CWF19L2: variants seen among roughly 807,000 people sequenced by gnomAD.
CWF19L2 encodes the protein CWF19 like cell cycle control factor 2.
Under a neutral mutation model 111.7 loss-of-function variants are expected in CWF19L2, and 98 were observed. The ratio of observed to expected loss-of-function variants is 0.88; its 90% CI spans 0.75 to 1.04. The LOEUF (loss-of-function observed/expected upper bound fraction) is 1.04. CWF19L2 is among the 50% of genes least tolerant of loss of function. The probability of loss-of-function intolerance (pLI) is 0.00; values close to 1 mark genes in which losing one functional copy is unlikely to be tolerated. For synonymous variants in CWF19L2, 351 were observed against 342.9 expected (o/e 1.02, Z -0.26); for missense variants, 1,101 against 1,051.4 (o/e 1.05, Z -0.65).
At chr11:107,338,393 T>G (rs1433584497) in intron 14 of CWF19L2, among the ~76,000 whole-genome samples, 1 of 152,170 alleles carries the variant, frequency 6.6e-6, no homozygotes, top group East Asian at 1.9e-4. Context: ...GGTAGGCTTT[T>G]TTCTTTTTTT....
At chr11:107,425,320 C>A (rs1003302256) in intron 8 of CWF19L2, among the ~76,000 whole-genome samples, 1 of 151,810 alleles carries the variant, frequency 6.6e-6, no homozygotes, top group Non-Finnish European at 1.5e-5. Flanking sequence ...ACGTTTCACT[C>A]AACGACAGAC....
intron 12 of CWF19L2, among the ~76,000 whole-genome samples, chr11:107,380,632 T>C (rs1860671266): frequency 6.6e-6 from 1 of 152,202 alleles, no homozygotes; most frequent in Non-Finnish European, 1.5e-5. Flanking sequence ...AGTGGGAGTG[T>C]AAAATTGTTC....
chr11:107,395,828 GTCTATATTTA>G (rs1421383307), intron 10 of CWF19L2, among the ~76,000 whole-genome samples: 1 of 152,112 alleles, frequency 6.6e-6, no homozygotes, highest in African/African-American at 2.4e-5. Context: ...GTAACTATTT[GTCTATATTTA>G]TCTCTTTTTG....
chr11:107,429,683 C>T (rs1257162440), intron 7 of CWF19L2, among the ~76,000 whole-genome samples: 1 of 151,938 alleles, frequency 6.6e-6, no homozygotes, highest in African/African-American at 2.4e-5. Flanking sequence ...GCCAGTTACA[C>T]CAAACACTCT....
At position 107,451,983 on chromosome 11, in the gene CWF19L2, T is replaced by C. The variant is rs112071713; in HGVS notation, c.339+2467A>G. On this transcript the variant is annotated intron_variant, in intron 3 of 17. Transcript: ENST00000282251. ...CCACAGCAGACATCATGCTTAAATG[T>C]AAAAACCTGAATGCTTTGCACCTAA... 3.7e-4 allele frequency among the ~76,000 whole-genome samples: 56 copies of C among 152,262 alleles called. 2 individuals carry two copies. Among genetic ancestry groups the C allele is most frequent in the African/African-American group, 1.3e-3 (54 of 41,558 alleles).
rs1591192915 is a variant in CWF19L2, at chr11:107,417,820, C to T, written c.1527+374G>A. The stretch of plus-strand genomic sequence containing the variant: ...CACCCAGGCTGGAGTGCTGCAATGG[C>T]GTGATCTTGGCTCACTGCAATCTCC... On this transcript the variant is annotated intron_variant, in intron 9 of 17. Coordinates refer to ENST00000282251, the MANE Select transcript of CWF19L2 (RefSeq NM_152434.3). Among the ~76,000 whole-genome samples the T allele has an allele frequency of 6.0e-5, 9 of 151,140 alleles. No homozygotes were observed. The South Asian group carries it at 1.7e-3, about 28-fold the overall frequency.
At chr11:107,406,684 C>CTT (rs548040686) in intron 10 of CWF19L2, among the ~76,000 whole-genome samples, 6 of 140,570 alleles carry the variant, frequency 4.3e-5, no homozygotes, top group African/African-American at 1.3e-4. Context: ...TTGTGTTTTC[C>CTT]TTTTTTTTTT....
chr11:107,431,473 T>C (rs183585306), intron 7 of CWF19L2, among the ~76,000 whole-genome samples: 41 of 152,182 alleles, frequency 2.7e-4, no homozygotes, highest in African/African-American at 9.9e-4. Context: ...ATAAAGATAC[T>C]AGTTGTCCTT....
In CWF19L2 at chr11:107,332,819, T is replaced by C. The variant is rs1859869373; in HGVS notation, c.2439+2062A>G. 2.0e-5 allele frequency among the ~76,000 whole-genome samples: 3 copies of C among 152,196 alleles called. No individual in the cohort carries two copies. In the South Asian group the frequency reaches 6.2e-4, roughly 32 times the overall value. ...ATTCTTACTTCCATCCACATAATTA[T>C]AAAATCTTAAAGCTAAAAGGGGCTG... On this transcript the variant is annotated intron_variant, in intron 16 of 17. Coordinates refer to ENST00000282251, the MANE Select transcript of CWF19L2 (RefSeq NM_152434.3).
intron 10 of CWF19L2, among the ~76,000 whole-genome samples, chr11:107,396,488 A>G (rs1353440923): frequency 6.6e-6 from 1 of 152,206 alleles, no homozygotes; most frequent in Non-Finnish European, 1.5e-5. Context: ...TTCTTATTTT[A>G]AAGGAAGAAA....
At chr11:107,400,314 C>T (rs973314339) in intron 10 of CWF19L2, among the ~76,000 whole-genome samples, 1 of 151,646 alleles carries the variant, frequency 6.6e-6, no homozygotes, top group African/African-American at 2.4e-5. Context: ...AAAATTGATA[C>T]ACTATTAGCA....
chr11:107,379,161 T>C (rs1271597347), intron 12 of CWF19L2, among the ~76,000 whole-genome samples: 1 of 152,228 alleles, frequency 6.6e-6, no homozygotes, highest in Non-Finnish European at 1.5e-5. Context: ...ATAAGTATTA[T>C]GGTATGAAAA....
At chr11:107,349,481 T>G (rs1012723822) in intron 13 of CWF19L2, among the ~76,000 whole-genome samples, 6 of 152,200 alleles carry the variant, frequency 3.9e-5, no homozygotes, top group Non-Finnish European at 7.4e-5. Context: ...TATCAGGCCT[T>G]CCTTCTCTGA....
chr11:107,344,394 C>G (rs370149401), intron 14 of CWF19L2, among the ~76,000 whole-genome samples: 1 of 152,122 alleles, frequency 6.6e-6, no homozygotes, highest in Admixed American at 6.5e-5. Context: ...TTTAACTATT[C>G]TTCTAGGACA....
At chr11:107,455,869 A>C in intron 1 of CWF19L2, 93 bp from the exon 2 acceptor site, 1 of 681,188 alleles carries the variant, frequency 1.5e-6, no homozygotes. Context: ...ATTTTTATAC[A>C]AAAATATCCA....
At chr11:107,352,178 T>C (rs614594) in intron 13 of CWF19L2, among the ~76,000 whole-genome samples, 1 of 151,858 alleles carries the variant, frequency 6.6e-6, no homozygotes, top group East Asian at 1.9e-4. Context: ...AATACTGAAA[T>C]GTATCCTATT....
At chr11:107,447,038 G>A (rs1025844146) in intron 3 of CWF19L2, among the ~76,000 whole-genome samples, 2 of 152,130 alleles carry the variant, frequency 1.3e-5, no homozygotes, top group Non-Finnish European at 2.9e-5. Flanking sequence ...GTGGAACTAA[G>A]ACAGAAAAGT....
chr11:107,382,153 A>G (rs1860696634), intron 12 of CWF19L2, among the ~76,000 whole-genome samples: 1 of 152,242 alleles, frequency 6.6e-6, no homozygotes, highest in Admixed American at 6.5e-5. Flanking sequence ...AAGAGTTTAT[A>G]TTTAAAGAAT....
chr11:107,446,068 C>A (rs549326080), intron 3 of CWF19L2, among the ~76,000 whole-genome samples: 41 of 152,104 alleles, frequency 2.7e-4, no homozygotes, highest in Non-Finnish European at 5.1e-4. Context: ...CCATACTAGC[C>A]CTAGACTGTC....
Sources: gnomAD v4.1 joint callset for allele counts (sites outside exome capture counted in the v4.1 genomes callset) on GRCh38, gnomAD v4.1.1 for gene constraint, MANE v1.5 for transcripts, NCBI Gene and HGNC (gene_info 2026-07-23, HGNC 2026-07-21) for gene names.